The following KLF7 variants were observed in gnomAD, a reference collection of about 807,000 sequenced individuals.
KLF7 encodes KLF transcription factor 7.
In KLF7, 2 loss-of-function variants were observed where a neutral mutation model predicts 27.3. The observed-to-expected ratio is 0.07, with a 90% CI of 0.03 to 0.23. KLF7 has a LOEUF of 0.23. KLF7 is among the 10% of genes least tolerant of loss of function. The pLI, the probability that KLF7 is intolerant of heterozygous loss-of-function variation, is 1.00. For synonymous variants in KLF7, 165 were observed against 162.4 expected (o/e 1.02, Z -0.12); for missense variants, 221 against 394.1 (o/e 0.56, Z 3.72).
intron 1 of KLF7, among the ~76,000 whole-genome samples, chr2:207,133,131 C>T (rs941493991): frequency 6.6e-6 from 1 of 152,198 alleles, no homozygotes; most frequent in African/African-American, 2.4e-5. Context: ...CTCCTGTATG[C>T]TATCCCCTCA....
chr2:207,106,216 C>T (rs571211088), intron 2 of KLF7, among the ~76,000 whole-genome samples: 4 of 152,212 alleles, frequency 2.6e-5, no homozygotes, highest in Non-Finnish European at 5.9e-5. Flanking sequence ...AGCTTTTAAA[C>T]GGGGGCATAA....
intron 2 of KLF7, among the ~76,000 whole-genome samples, chr2:207,103,686 G>A (rs1183713462): frequency 6.6e-6 from 1 of 152,170 alleles, no homozygotes; most frequent in African/African-American, 2.4e-5. Flanking sequence ...AGTCCTAGCT[G>A]TTACCACTTA....
intron 2 of KLF7, among the ~76,000 whole-genome samples, chr2:207,101,857 G>A (rs907852066): frequency 1.3e-5 from 2 of 152,138 alleles, no homozygotes; most frequent in Non-Finnish European, 2.9e-5. Context: ...TACATTCTAT[G>A]TAGCTCCACA....
chr2:207,123,724 G>T (rs758454991), intron 2 of KLF7, 50 bp downstream of exon 2: 1 of 1,561,548 alleles, frequency 6.4e-7, no homozygotes, highest in Non-Finnish European at 8.7e-7. Flanking sequence ...ACATGACGAG[G>T]CTACAGGAGG....
chr2:207,102,818 C>G (rs545626912), intron 2 of KLF7, among the ~76,000 whole-genome samples: 3 of 152,218 alleles, frequency 2.0e-5, no homozygotes, highest in East Asian at 1.9e-4. Context: ...TTATGGCCAC[C>G]CAGAACAAAG....
chr2:207,124,420 G>A lies in KLF7; in HGVS notation c.103-16C>T, dbSNP rs763807696. On this transcript the variant is annotated splice_polypyrimidine_tract_variant and intron_variant, in intron 1 of 3. Coordinates refer to ENST00000309446, the MANE Select transcript of KLF7 (RefSeq NM_003709.4). The stretch of plus-strand genomic sequence containing the variant: ...CAAGGCATGTCTGCAAGAGGAAGAA[G>A]GAGGGAGAGAAACAGCCATCAGAGG... 1.3e-6 allele frequency: 2 copies of A among 1,537,026 alleles called. No homozygotes were observed. Among genetic ancestry groups the A allele is most frequent in the African/African-American group, 1.4e-5 (1 of 72,546 alleles).
At chr2:207,152,279 ACACACACACACACACACACACAC>A (rs2078267639) in intron 1 of KLF7, among the ~76,000 whole-genome samples, 2 of 1,514 alleles carry the variant, frequency 1.3e-3, no homozygotes, top group South Asian at 0.2. Flanking sequence ...TCTTACACAC[ACACACACACACACACACACACAC>A]ACACACACGG....
At chr2:207,124,495 G>C (rs1559141900) in intron 1 of KLF7, 91 bp from the exon 2 acceptor site, 2 of 1,305,512 alleles carry the variant, frequency 1.5e-6, no homozygotes, top group Non-Finnish European at 2.1e-6. Flanking sequence ...GGAAGGTGCA[G>C]AGAGAATGGT....
intron 2 of KLF7, among the ~76,000 whole-genome samples, chr2:207,114,973 A>G (rs918496903): frequency 6.6e-6 from 1 of 152,198 alleles, no homozygotes; most frequent in Non-Finnish European, 1.5e-5. Flanking sequence ...AATTCCATAC[A>G]TGTTATAGTA....
rs1574399246 is a variant in KLF7, at chr2:207,076,588, G to A, written c.*4625C>T. The A allele has an allele frequency of 2.6e-5, 4 of 152,278 alleles. No individual in the cohort carries two copies. The highest frequency in any genetic ancestry group is 2.0e-4 in the Admixed American group (3 of 15,294). The allele number at this position is 152,278 out of a possible 1,614,324, so 9.4% of individuals were successfully genotyped here. On this transcript the variant is annotated 3_prime_UTR_variant, in exon 4 of 4. Transcript: ENST00000309446. ...AAAACCCTGAAGCCTCAGGCAGTTCGTCGTGGGAGGTCACGTTATTTACAA... is the reference window on the plus strand; with the variant it reads ...AAAACCCTGAAGCCTCAGGCAGTTCATCGTGGGAGGTCACGTTATTTACAA...
intron 2 of KLF7, among the ~76,000 whole-genome samples, chr2:207,096,828 C>G (rs1317204193): frequency 6.6e-6 from 1 of 152,204 alleles, no homozygotes; most frequent in Non-Finnish European, 1.5e-5. Context: ...ATATAGGACC[C>G]ATAAAAGTGC....
chr2:207,151,086 CG>C (rs1559163924), intron 1 of KLF7, among the ~76,000 whole-genome samples: 3 of 149,330 alleles, frequency 2.0e-5, no homozygotes, highest in African/African-American at 7.4e-5. Flanking sequence ...CTTAGAGAGG[CG>C]TTAAAGACAT....
intron 1 of KLF7, among the ~76,000 whole-genome samples, chr2:207,135,480 C>A (rs987308674): frequency 6.6e-6 from 1 of 151,946 alleles, no homozygotes; most frequent in Non-Finnish European, 1.5e-5. Flanking sequence ...ACAAGCCTCA[C>A]AACATCTAAA....
intron 3 of KLF7, among the ~76,000 whole-genome samples, chr2:207,083,946 A>G (rs1158107613): frequency 1.3e-5 from 2 of 152,206 alleles, no homozygotes; most frequent in Admixed American, 6.5e-5. Flanking sequence ...TAGAGCCTCC[A>G]GAACAAAAAT....
At chr2:207,124,733 C>T (rs2077435014) in intron 1 of KLF7, among the ~76,000 whole-genome samples, 1 of 152,130 alleles carries the variant, frequency 6.6e-6, no homozygotes, top group South Asian at 2.1e-4. Context: ...GCTCCAATTT[C>T]CCCTCTAGAA....
intron 2 of KLF7, among the ~76,000 whole-genome samples, chr2:207,099,550 C>CTATA (rs1359258095): frequency 8.8e-5 from 2 of 22,848 alleles, no homozygotes; most frequent in South Asian, 9.0e-4. Flanking sequence ...GCTACATATG[C>CTATA]GATATATATA....
intron 2 of KLF7, among the ~76,000 whole-genome samples, chr2:207,101,158 C>T (rs886950266): frequency 3.3e-5 from 5 of 152,186 alleles, no homozygotes; most frequent in African/African-American, 7.2e-5. Flanking sequence ...TCTAACTCAC[C>T]GGCAATGAAA....
At chr2:207,092,216 A>C (rs566366396) in intron 2 of KLF7, among the ~76,000 whole-genome samples, 113 of 152,342 alleles carry the variant, frequency 7.4e-4, no homozygotes, top group Non-Finnish European at 1.5e-3. Context: ...TAGAGTGAAC[A>C]AAAATGCTCA....
intron 2 of KLF7, among the ~76,000 whole-genome samples, chr2:207,096,435 T>A (rs1020432886): frequency 1.3e-5 from 2 of 152,204 alleles, no homozygotes; most frequent in Non-Finnish European, 2.9e-5. Flanking sequence ...ACCTTGCGTA[T>A]CAGAATCTGT....
Sources: allele counts gnomAD v4.1 joint callset (sites outside exome capture counted in the v4.1 genomes callset), GRCh38; gene constraint gnomAD v4.1.1; transcripts MANE v1.5; gene names NCBI Gene and HGNC (gene_info 2026-07-23, HGNC 2026-07-21).